Variants in TEX14 observed in about 807,000 individuals in gnomAD.
TEX14 encodes testis expressed 14, intercellular bridge forming factor.
A neutral mutation model predicts 178.6 loss-of-function variants in TEX14; 168 were observed. The observed-to-expected ratio is 0.94, with a 90% CI of 0.83 to 1.07. The LOEUF (loss-of-function observed/expected upper bound fraction) is 1.07, where lower values mean the gene tolerates loss of function less well. TEX14 is among the 50% of genes least tolerant of loss of function. TEX14 has a pLI of 0.00. For missense variants in TEX14, 1,730 were observed against 1,753.6 expected (o/e 0.99, Z 0.24); for synonymous variants, 626 against 634.1 (o/e 0.99, Z 0.19).
Position 58,617,495 on chromosome 17 carries a change from C to T in TEX14, c.636+43G>A, listed in dbSNP as rs781743409. 7.7e-6 allele frequency: 11 copies of T among 1,436,722 alleles called. No individual in the cohort carries two copies. The South Asian group carries it at 1.3e-4, about 17-fold the overall frequency. The allele number at this position is 1,436,722 out of a possible 1,614,324, so 89.0% of individuals were successfully genotyped here. On this transcript the variant is annotated intron_variant, in intron 6 of 31. Coordinates refer to ENST00000349033, the MANE Select transcript of TEX14 (RefSeq NM_031272.5). ...TGGGAGATGGGGCCCGATGATTCTC[C>T]AGTTAGTCCTGCAAACACTGGCTGT...
At position 58,630,511 on chromosome 17, in the gene TEX14, A is replaced by G; in HGVS notation, c.180T>C (p.Leu60=). 6.2e-7 allele frequency: 1 copy of G among 1,614,138 alleles called. No homozygotes were observed. ...DAVNSLGQTA[L]FVAALLGLRK... The stretch of plus-strand genomic sequence containing the variant: ...TAAGGCCCAATAACGCCGCAACAAA[A>G]AGTGCTGTTTGGCCCAAGGAGTTAA... Residue 60 remains leucine (L), a synonymous_variant, in exon 3 of 32, where the codon CTT becomes CTC. Transcript: ENST00000349033.
At chr17:58,607,275 C>A (rs934111497) in intron 10 of TEX14, among the ~76,000 whole-genome samples, 1 of 152,146 alleles carries the variant, frequency 6.6e-6, no homozygotes, top group Non-Finnish European at 1.5e-5. Context: ...ACACTTCTAC[C>A]TGAGGTTCCA....
chr17:58,648,882 C>T (rs1307001800), intron 2 of TEX14, among the ~76,000 whole-genome samples: 1 of 149,772 alleles, frequency 6.7e-6, no homozygotes, highest in Non-Finnish European at 1.5e-5. Flanking sequence ...CTCCGCCTCC[C>T]GGGTTCATGC....
In TEX14 at chr17:58,580,322, TA is replaced by T. The variant is rs540843004; in HGVS notation, c.3172-592del. ...ACACCTAGCTGAAATTATATATATA[TA>T]TTTTTTGAGACGGAGTCTCATTCTG... On this transcript the variant is annotated intron_variant, in intron 19 of 31. Coordinates refer to ENST00000349033, the MANE Select transcript of TEX14 (RefSeq NM_031272.5). 3.8e-4 allele frequency among the ~76,000 whole-genome samples: 58 copies of T among 152,262 alleles called. 1 individual carries two copies. The highest frequency in any genetic ancestry group is 3.7e-3 in the Admixed American group (57 of 15,282).
chr17:58,604,733 G>A (rs1042278234), intron 11 of TEX14, among the ~76,000 whole-genome samples: 1 of 151,660 alleles, frequency 6.6e-6, no homozygotes. Flanking sequence ...GCTAATTTTT[G>A]TATTTTTAGT....
chr17:58,638,279 C>T (rs1448055423), intron 2 of TEX14, among the ~76,000 whole-genome samples: 14 of 152,086 alleles, frequency 9.2e-5, no homozygotes, highest in South Asian at 2.1e-4. Context: ...GAGGCCAACC[C>T]GGGACACTTG....
chr17:58,630,831 A>C (rs961229569), intron 2 of TEX14, among the ~76,000 whole-genome samples: 1 of 152,180 alleles, frequency 6.6e-6, no homozygotes, highest in Non-Finnish European at 1.5e-5. Flanking sequence ...AATGGTTCTC[A>C]ATCATGGGAA....
intron 2 of TEX14, chr17:58,631,831 A>G (rs757947032): frequency 3.3e-5 from 5 of 152,066 alleles, no homozygotes; most frequent in African/African-American, 7.3e-5. Context: ...CTCAAAATAT[A>G]GTCTTAATGT....
At chr17:58,614,952 C>T (rs530904719) in intron 8 of TEX14, among the ~76,000 whole-genome samples, 11 of 152,324 alleles carry the variant, frequency 7.2e-5, no homozygotes, top group Admixed American at 1.3e-4. Flanking sequence ...ATCAGAAGGG[C>T]CTGCATGGAG....
intron 3 of TEX14, among the ~76,000 whole-genome samples, chr17:58,627,461 G>A (rs1226278636): frequency 6.6e-6 from 1 of 152,138 alleles, no homozygotes; most frequent in Non-Finnish European, 1.5e-5. Flanking sequence ...TATACACCTT[G>A]TTTCAGTAAC....
rs143448241 is a variant in TEX14 at position 58,665,034 on chromosome 17, G to C, written c.-1-13032C>G. On this transcript the variant is annotated intron_variant, in intron 1 of 31. Coordinates refer to ENST00000349033, the MANE Select transcript of TEX14 (RefSeq NM_031272.5). ...AAGTTTGTGGAAGTAATACAGCAAG[G>C]CTCTCTGGAAACTTTAAAATAAGGA... Among the ~76,000 whole-genome samples the C allele has an allele frequency of 3.9e-3, 591 of 152,270 alleles. 5 individuals are homozygous for C. Among genetic ancestry groups the C allele is most frequent in the Middle Eastern group, 6.8e-3 (2 of 294 alleles).
At chr17:58,666,394 C>T (rs1420081310) in intron 1 of TEX14, 1 of 134,380 alleles carries the variant, frequency 7.4e-6, no homozygotes, top group Non-Finnish European at 1.5e-5. Flanking sequence ...GAAGGCTGAG[C>T]GCATGAATTC....
intron 3 of TEX14, among the ~76,000 whole-genome samples, chr17:58,626,658 G>T (rs2046150895): frequency 6.6e-6 from 1 of 150,840 alleles, no homozygotes. Context: ...GAGGCAGATG[G>T]ATCACCTGAG....
chr17:58,667,055 A>G (rs1291950181), intron 1 of TEX14, among the ~76,000 whole-genome samples: 1 of 152,224 alleles, frequency 6.6e-6, no homozygotes, highest in Non-Finnish European at 1.5e-5. Flanking sequence ...ACAAAAACGC[A>G]CCACCTCACT....
intron 19 of TEX14, among the ~76,000 whole-genome samples, chr17:58,584,267 T>C (rs1198928989): frequency 6.6e-6 from 1 of 152,196 alleles, no homozygotes; most frequent in East Asian, 1.9e-4. Flanking sequence ...CTGACACTTT[T>C]CTGTACTCTC....
chr17:58,619,203 G>A (rs1314960490), intron 5 of TEX14, among the ~76,000 whole-genome samples: 1 of 152,188 alleles, frequency 6.6e-6, no homozygotes, highest in East Asian at 1.9e-4. Context: ...CTCTTTGGAG[G>A]GGAGAGTTCT....
chr17:58,671,335 T>C (rs2047300946), intron 1 of TEX14, among the ~76,000 whole-genome samples: 1 of 152,206 alleles, frequency 6.6e-6, no homozygotes, highest in Non-Finnish European at 1.5e-5. Context: ...CATATACACA[T>C]AGCAGTATGA....
At position 58,611,298 on chromosome 17, in the gene TEX14, G is replaced by T; in HGVS notation, c.1047C>A (p.His349Gln). The T allele has an allele frequency of 6.2e-7, 1 of 1,613,348 alleles. No homozygotes were observed. Among genetic ancestry groups the T allele is most frequent in the Non-Finnish European group, 8.5e-7 (1 of 1,179,480 alleles). The change falls in exon 10 of 32, where the codon CAC (histidine) becomes CAA (glutamine). Residue 349 changes from histidine to glutamine, a missense_variant. By Grantham distance (24) the His-to-Gln change is conservative. Coordinates refer to ENST00000349033, the MANE Select transcript of TEX14 (RefSeq NM_031272.5). ...GGGCATCAGATATCTGGAGCAGCAG[G>T]TGCACAATCACCTCCATGTGCAGCA... ...FPVLHMEVIV[H>Q]LLLQISDALR...
At chr17:58,599,736 G>A in intron 13 of TEX14, 70 bp from the exon 14 acceptor site, 1 of 1,184,576 alleles carries the variant, frequency 8.4e-7, no homozygotes, top group Non-Finnish European at 1.2e-6. Flanking sequence ...GCCTTGGCTT[G>A]TTCAAGAGGC....
Sources: allele counts gnomAD v4.1 joint callset (sites outside exome capture counted in the v4.1 genomes callset), GRCh38; gene constraint gnomAD v4.1.1; transcripts MANE v1.5; gene names NCBI Gene and HGNC (gene_info 2026-07-23, HGNC 2026-07-21).